PCDHA5: variants seen among roughly 807,000 people sequenced by gnomAD.
PCDHA5 encodes protocadherin alpha 5.
In PCDHA5, 43 loss-of-function variants were observed where a neutral mutation model predicts 61.6. The observed-to-expected ratio is 0.70, with a 90% CI of 0.55 to 0.90. The LOEUF (loss-of-function observed/expected upper bound fraction) is 0.90. Ranked by LOEUF, PCDHA5 falls within the 40% of genes least tolerant of loss-of-function variation. The probability of loss-of-function intolerance (pLI) is 0.00; values close to 1 mark genes in which losing one functional copy is unlikely to be tolerated. For synonymous variants in PCDHA5, 627 were observed against 543.9 expected, an observed-to-expected ratio of 1.15 and a Z score of -2.13; for missense variants, 1,298 against 1,222.7, an observed-to-expected ratio of 1.06 and a Z score of -0.92.
chr5:140,969,464 C>A, intron 1 of PCDHA5: 1 of 1,491,558 alleles, frequency 6.7e-7, no homozygotes. Flanking sequence ...ATATAGTATC[C>A]ACAATTTGAT....
Position 140,829,163 on chromosome 5 carries a change from C to T in PCDHA5, c.2352+5036C>T, listed in dbSNP as rs1371458917. The T allele has an allele frequency of 5.0e-6, 8 of 1,613,906 alleles. No individual in the cohort carries two copies. The East Asian group carries it at 1.8e-4, about 36-fold the overall frequency. On this transcript the variant is annotated intron_variant, in intron 1 of 3. Coordinates refer to ENST00000529859, the MANE Select transcript of PCDHA5 (RefSeq NM_018908.3). ...GATAGCACTGACTTCCTTATCCTTG[C>T]CTGTACGTGAAGACGCTCAATTTGG... is the stretch of plus-strand genomic sequence containing the variant.
chr5:140,851,473 G>A, intron 1 of PCDHA5: 4 of 889,518 alleles, frequency 4.5e-6, no homozygotes, highest in African/African-American at 1.8e-5. Context: ...GTCAATAAAT[G>A]TTATAAACAC....
rs17844334 is a variant in PCDHA5 at position 140,850,512 on chromosome 5, G to C, written c.2352+26385G>C. On this transcript the variant is annotated intron_variant, in intron 1 of 3. Transcript: ENST00000529859. ...TGTGCTGGTGTCGCTGGTGGAGAGCGGCCAGGCGCCAAAGTCATCGTCGCG... is the reference window on the plus strand; with the variant it reads ...TGTGCTGGTGTCGCTGGTGGAGAGCCGCCAGGCGCCAAAGTCATCGTCGCG... The C allele has an allele frequency of 2.1e-4, 342 of 1,598,262 alleles. 9 individuals carry two copies. The East Asian group carries it at 6.3e-3, about 30-fold the overall frequency.
chr5:140,941,862 T>G (rs1007783083), intron 1 of PCDHA5, among the ~76,000 whole-genome samples: 33 of 152,238 alleles, frequency 2.2e-4, no homozygotes, highest in African/African-American at 7.7e-4. Context: ...TTCCCTATCA[T>G]AGAGTTCTAT....
At chr5:140,967,944 A>G (rs782135204) in intron 1 of PCDHA5, 4 of 1,613,970 alleles carry the variant, frequency 2.5e-6, no homozygotes. Flanking sequence ...AATGACCAAG[A>G]CTCAGGCCCC....
chr5:140,852,121 TA>T, intron 1 of PCDHA5: 1 of 901,518 alleles, frequency 1.1e-6, no homozygotes, highest in Non-Finnish European at 1.4e-6. Context: ...ATGACCTAAT[TA>T]AAAACTCAGT....
intron 1 of PCDHA5, among the ~76,000 whole-genome samples, chr5:140,907,440 C>T (rs781836409): frequency 4.6e-5 from 7 of 152,222 alleles, no homozygotes; most frequent in Non-Finnish European, 1.0e-4. Flanking sequence ...TGTGAGTCCA[C>T]AGATGGTAAT....
rs147581214 is a variant in PCDHA5, at chr5:140,857,154, C to G, written c.2352+33027C>G. 87 of 1,598,228 alleles carry G rather than the reference C, an allele frequency of 5.4e-5. 8 individuals carry two copies. Among genetic ancestry groups the G allele is most frequent in the Non-Finnish European group, 7.1e-5 (83 of 1,167,802 alleles). On this transcript the variant is annotated intron_variant, in intron 1 of 3. Coordinates refer to ENST00000529859, the MANE Select transcript of PCDHA5 (RefSeq NM_018908.3). ...GATGCTCAAGTGGGCACCGTCATTG[C>G]CCTAATCAGCGTTTCTGACCATGAT...
chr5:140,873,432 T>A (rs992972839), intron 1 of PCDHA5, among the ~76,000 whole-genome samples: 5 of 152,212 alleles, frequency 3.3e-5, no homozygotes, highest in African/African-American at 7.2e-5. Flanking sequence ...TTATTTTATA[T>A]CACATAAATA....
chr5:140,882,480 A>T, intron 1 of PCDHA5: 1 of 1,614,020 alleles, frequency 6.2e-7, no homozygotes, highest in Non-Finnish European at 8.5e-7. Flanking sequence ...TCCAAAAGAC[A>T]CGGGGACCTT....
chr5:140,917,152 G>A (rs1407958115), intron 1 of PCDHA5, among the ~76,000 whole-genome samples: 1 of 152,012 alleles, frequency 6.6e-6, no homozygotes, highest in Admixed American at 6.6e-5. Context: ...GCTGCTGGGG[G>A]ATATGGGAGG....
intron 1 of PCDHA5, among the ~76,000 whole-genome samples, chr5:140,963,173 G>C (rs2095742129): frequency 6.6e-6 from 1 of 151,942 alleles, no homozygotes; most frequent in Non-Finnish European, 1.5e-5. Flanking sequence ...CCATCTTACA[G>C]ATATGCTGTA....
chr5:140,969,389 A>G (rs1554231753), intron 1 of PCDHA5: 8 of 1,592,478 alleles, frequency 5.0e-6, no homozygotes, highest in Admixed American at 1.8e-5. Context: ...ACATCCCCCA[A>G]TATCCTGTGA....
intron 1 of PCDHA5, chr5:140,859,929 A>T (rs568538695): frequency 4.2e-4 from 64 of 152,162 alleles, no homozygotes; most frequent in African/African-American, 1.3e-3. Flanking sequence ...TAATATAAAA[A>T]ACTTAGTAAA....
At chr5:140,827,966 G>T in intron 1 of PCDHA5, 1 of 1,337,492 alleles carries the variant, frequency 7.5e-7, no homozygotes, top group Non-Finnish European at 1.0e-6. Flanking sequence ...TTCTATTACT[G>T]CATCATTCCC....
rs1159995588 is a variant in PCDHA5, at chr5:140,947,341, A to G, written c.2353-31608A>G. ...GGTTGACCATAAATGTGTGGGCTTA[A>G]TTCTGGACTCTATTTCACTCCTTTG... is the stretch of plus-strand genomic sequence containing the variant. On this transcript the variant is annotated intron_variant, in intron 1 of 3. Transcript: ENST00000529859. Among the ~76,000 whole-genome samples the G allele has an allele frequency of 2.6e-5, 4 of 151,804 alleles. No individual in the cohort carries two copies. The South Asian group carries it at 6.2e-4, about 24-fold the overall frequency.
At chr5:140,908,661 G>C (rs530751435) in intron 1 of PCDHA5, among the ~76,000 whole-genome samples, 9 of 152,306 alleles carry the variant, frequency 5.9e-5, no homozygotes, top group African/African-American at 2.2e-4. Flanking sequence ...GCCTGCCAAA[G>C]GCTCCAAATA....
chr5:140,858,465 T>C lies in PCDHA5; in HGVS notation c.2352+34338T>C, dbSNP rs1554151663. The C allele has an allele frequency of 1.3e-6, 2 of 1,522,706 alleles. 1 individual carries two copies. The allele number at this position is 1,522,706 out of a possible 1,614,324, so 94.3% of individuals were successfully genotyped here. ...GGTTATTACGTTTTCATTTTCCTTT[T>C]GTGCTTTATGAATAATATTTTCTCT... On this transcript the variant is annotated intron_variant, in intron 1 of 3. Coordinates refer to ENST00000529859, the MANE Select transcript of PCDHA5 (RefSeq NM_018908.3).
rs2150116566 is a variant in PCDHA5, at chr5:140,822,465, T to C, written c.690T>C (p.Asn230=). ...ELTGTVQLLI[N]VLDANDNAPE... is the part of the protein sequence containing the mutation. The stretch of plus-strand genomic sequence containing the variant: ...CAGGTACAGTTCAGTTGTTGATCAA[T>C]GTATTGGATGCTAATGATAACGCCC... Residue 230 remains asparagine, a synonymous_variant, in exon 1 of 4, where the codon AAT becomes AAC. Coordinates refer to ENST00000529859, the MANE Select transcript of PCDHA5 (RefSeq NM_018908.3). 21 of 1,613,564 alleles carry C rather than the reference T, an allele frequency of 1.3e-5. No individual in the cohort carries two copies. Among genetic ancestry groups the C allele is most frequent in the Non-Finnish European group, 1.5e-5 (18 of 1,179,764 alleles).
Sources: allele counts gnomAD v4.1 joint callset (sites outside exome capture counted in the v4.1 genomes callset), GRCh38; gene constraint gnomAD v4.1.1; transcripts MANE v1.5; gene names NCBI Gene and HGNC (gene_info 2026-07-23, HGNC 2026-07-21).